ADAMTS12: variants seen among roughly 807,000 people sequenced by gnomAD.
ADAMTS12 encodes the protein A disintegrin and metalloproteinase with thrombospondin motifs 12.
Under a neutral mutation model 167.8 loss-of-function variants are expected in ADAMTS12, and 118 were observed. That is an observed-to-expected ratio of 0.70 (90% CI 0.61 to 0.82). The LOEUF is 0.82. Among genes scored for constraint, ADAMTS12 ranks in the 40% least tolerant of loss-of-function variants. The pLI, the probability that ADAMTS12 is intolerant of heterozygous loss-of-function variation, is 0.00. For synonymous variants in ADAMTS12, 704 were observed against 716.9 expected, an observed-to-expected ratio of 0.98 and a Z score of 0.29; for missense variants, 1,916 against 1,998.8, an observed-to-expected ratio of 0.96 and a Z score of 0.79.
At chr5:33,693,951 T>C (rs1480498727) in intron 3 of ADAMTS12, among the ~76,000 whole-genome samples, 2 of 152,182 alleles carry the variant, frequency 1.3e-5, no homozygotes, top group African/African-American at 4.8e-5. Context: ...TCAATGACTT[T>C]AGCAAAGTCT....
At chr5:33,710,379 G>C (rs1242453969) in intron 3 of ADAMTS12, among the ~76,000 whole-genome samples, 2 of 152,140 alleles carry the variant, frequency 1.3e-5, no homozygotes, top group African/African-American at 4.8e-5. Flanking sequence ...CTGGAGCATG[G>C]TGTCAAGGAG....
At chr5:33,798,650 G>A (rs1021915285) in intron 2 of ADAMTS12, among the ~76,000 whole-genome samples, 41 of 152,148 alleles carry the variant, frequency 2.7e-4, no homozygotes, top group African/African-American at 9.9e-4. Flanking sequence ...ATGTTGGCCA[G>A]GCTGGTCTTG....
At chr5:33,849,258 A>G (rs1206298497) in intron 2 of ADAMTS12, among the ~76,000 whole-genome samples, 1 of 122,982 alleles carries the variant, frequency 8.1e-6, no homozygotes, top group African/African-American at 3.1e-5. Context: ...ATATATATAT[A>G]TGTATTGCAT....
At chr5:33,730,054 G>A (rs1017405071) in intron 3 of ADAMTS12, among the ~76,000 whole-genome samples, 2 of 152,154 alleles carry the variant, frequency 1.3e-5, no homozygotes, top group African/African-American at 4.8e-5. Context: ...ACATTAGAAG[G>A]CTTCTTTCTT....
intron 16 of ADAMTS12, among the ~76,000 whole-genome samples, chr5:33,611,112 G>GA (rs887916551): frequency 2.0e-5 from 3 of 151,644 alleles, no homozygotes; most frequent in Non-Finnish European, 4.4e-5. Flanking sequence ...AATGTTGAGG[G>GA]AAAAAAAAGA....
chr5:33,560,729 A>T (rs861768), intron 20 of ADAMTS12, among the ~76,000 whole-genome samples: 96,408 of 143,052 alleles, frequency 0.67, 33,088 homozygotes, highest in African/African-American at 0.84. Context: ...ATGAGAACAC[A>T]TGGACACAGG....
At chr5:33,796,553 G>A (rs1746786745) in intron 2 of ADAMTS12, among the ~76,000 whole-genome samples, 1 of 152,218 alleles carries the variant, frequency 6.6e-6, no homozygotes, top group African/African-American at 2.4e-5. Flanking sequence ...GGCAGATGGA[G>A]AGCTGAATTC....
At chr5:33,866,825 A>G (rs1160072662) in intron 2 of ADAMTS12, among the ~76,000 whole-genome samples, 2 of 152,136 alleles carry the variant, frequency 1.3e-5, no homozygotes. Flanking sequence ...AGTGGCCAAT[A>G]AACATATGAA....
intron 2 of ADAMTS12, among the ~76,000 whole-genome samples, chr5:33,821,023 C>T (rs1747848395): frequency 6.6e-6 from 1 of 152,070 alleles, no homozygotes; most frequent in South Asian, 2.1e-4. Flanking sequence ...CTAATGGGTA[C>T]TACCCTTAAT....
At chr5:33,680,037 T>C (rs930767537) in intron 5 of ADAMTS12, among the ~76,000 whole-genome samples, 23 of 152,308 alleles carry the variant, frequency 1.5e-4, no homozygotes, top group African/African-American at 5.5e-4. Context: ...AGCCATTTCC[T>C]GGGAATTAGG....
intron 2 of ADAMTS12, among the ~76,000 whole-genome samples, chr5:33,767,451 T>C (rs1321385666): frequency 1.3e-5 from 2 of 152,230 alleles, no homozygotes. Context: ...TCTGTATTTA[T>C]CCAATCTCTA....
chr5:33,829,160 C>T (rs1329588699), intron 2 of ADAMTS12, among the ~76,000 whole-genome samples: 1 of 152,032 alleles, frequency 6.6e-6, no homozygotes, highest in African/African-American at 2.4e-5. Flanking sequence ...ACTTGCATGC[C>T]AATAATGGGA....
chr5:33,860,706 T>C (rs1007162423), intron 2 of ADAMTS12, among the ~76,000 whole-genome samples: 9 of 152,058 alleles, frequency 5.9e-5, no homozygotes, highest in Admixed American at 2.6e-4. Context: ...TCAAGACACA[T>C]AATTATCAGA....
At chr5:33,859,439 T>C (rs1392200573) in intron 2 of ADAMTS12, among the ~76,000 whole-genome samples, 1 of 152,252 alleles carries the variant, frequency 6.6e-6, no homozygotes, top group Non-Finnish European at 1.5e-5. Flanking sequence ...AATGCCACTG[T>C]AGCTAGACTG....
At chr5:33,595,209 A>G (rs1747861649) in intron 17 of ADAMTS12, among the ~76,000 whole-genome samples, 1 of 151,234 alleles carries the variant, frequency 6.6e-6, no homozygotes, top group Non-Finnish European at 1.5e-5. Flanking sequence ...TAACATCCCA[A>G]CTACCTTCTA....
intron 3 of ADAMTS12, among the ~76,000 whole-genome samples, chr5:33,699,638 G>T (rs1742925258): frequency 6.6e-6 from 1 of 152,106 alleles, no homozygotes; most frequent in Non-Finnish European, 1.5e-5. Flanking sequence ...ATTGATTTTG[G>T]TGGTGGTCGT....
chr5:33,730,241 CACTATTGTAT>C (rs1384381637), intron 3 of ADAMTS12, among the ~76,000 whole-genome samples: 1 of 151,202 alleles, frequency 6.6e-6, no homozygotes, highest in Non-Finnish European at 1.5e-5. Flanking sequence ...GTATAAGTAT[CACTATTGTAT>C]AAGGTGCTGG....
At position 33,576,809 on chromosome 5, in the gene ADAMTS12, G is replaced by A; in HGVS notation, c.3217C>T (p.Gln1073Ter). The part of the protein sequence containing the change: ...GGKQWQDSST[Q>*]PELSSRYLIS... ...AGATAGCGAGAGCTCAGCTCAGGTT[G>A]GGTTGAGCTATCTTGCCACTGTTTC... Residue 1073 changes from glutamine to a stop codon, truncating the protein, a stop_gained, in exon 19 of 24, where the codon CAA becomes TAA. Coordinates refer to ENST00000504830, the MANE Select transcript of ADAMTS12 (RefSeq NM_030955.4). LOFTEE classifies it high-confidence loss of function. The A allele has an allele frequency of 1.2e-6, 2 of 1,614,212 alleles. No homozygotes were observed. The highest frequency in any genetic ancestry group is 1.7e-6 in the Non-Finnish European group (2 of 1,180,036).
intron 3 of ADAMTS12, among the ~76,000 whole-genome samples, chr5:33,696,338 G>T (rs1293798445): frequency 6.6e-6 from 1 of 150,946 alleles, no homozygotes; most frequent in Non-Finnish European, 1.5e-5. Context: ...GGAGAATGGC[G>T]GGAACCCGGG....
Sources: allele counts gnomAD v4.1 joint callset (sites outside exome capture counted in the v4.1 genomes callset), GRCh38; gene constraint gnomAD v4.1.1; transcripts MANE v1.5; gene names NCBI Gene and HGNC (gene_info 2026-07-23, HGNC 2026-07-21).